The following FIGN variants were observed in gnomAD, a reference collection of about 807,000 sequenced individuals.
The protein encoded by FIGN is fidgetin.
FIGN carries 11 observed loss-of-function variants against 51.3 expected under a neutral mutation model. The observed-to-expected ratio is 0.21, with a 90% confidence interval of 0.13 to 0.35. The LOEUF is 0.35. FIGN is among the 10% of genes least tolerant of loss of function. The pLI is 1.00. For synonymous variants in FIGN, 407 were observed against 363.2 expected (o/e 1.12, Z -1.37); for missense variants, 857 against 943.6 (o/e 0.91, Z 1.20).
At chr2:163,700,470 TG>T (rs1211603215) in intron 2 of FIGN, among the ~76,000 whole-genome samples, 1 of 152,122 alleles carries the variant, frequency 6.6e-6, no homozygotes, top group Non-Finnish European at 1.5e-5. Flanking sequence ...ATGGCGACAG[TG>T]AGAACTCAGA....
Position 163,734,999 on chromosome 2 carries a change from A to G in FIGN, c.-72T>C. 1 of 1,540,696 alleles carries G rather than the reference A, an allele frequency of 6.5e-7. No homozygotes were observed. The highest frequency in any genetic ancestry group is 8.9e-7 in the Non-Finnish European group (1 of 1,121,070). ...GAATTCCAAAGGTTGCTTTTCATTA[A>G]AGCCACTTTTCCTCTCAGCTATCAA... On this transcript the variant is annotated 5_prime_UTR_variant, in exon 2 of 3. Transcript: ENST00000333129.
At chr2:163,676,577 A>C (rs1683974517) in intron 2 of FIGN, among the ~76,000 whole-genome samples, 1 of 150,448 alleles carries the variant, frequency 6.6e-6, no homozygotes, top group Non-Finnish European at 1.5e-5. Context: ...GTAAAAGTGA[A>C]ATGTGTGACC....
chr2:163,645,102 A>C (rs1327505110), intron 2 of FIGN, among the ~76,000 whole-genome samples: 1 of 152,242 alleles, frequency 6.6e-6, no homozygotes, highest in Non-Finnish European at 1.5e-5. Context: ...ATATTTCAAT[A>C]AAACACTTAA....
intron 2 of FIGN, among the ~76,000 whole-genome samples, chr2:163,709,125 G>A (rs1365892822): frequency 3.3e-5 from 5 of 151,936 alleles, no homozygotes; most frequent in African/African-American, 9.7e-5. Context: ...AAGTTTCCAC[G>A]TGCATCACAT....
chr2:163,680,810 T>G (rs1009169274), intron 2 of FIGN, among the ~76,000 whole-genome samples: 1 of 151,986 alleles, frequency 6.6e-6, no homozygotes, highest in African/African-American at 2.4e-5. Flanking sequence ...AAATTATACC[T>G]ACATATATGT....
intron 2 of FIGN, 74 bp downstream of exon 2, chr2:163,734,829 A>ATGCT: frequency 7.0e-7 from 1 of 1,429,624 alleles, no homozygotes; most frequent in Admixed American, 2.1e-5. Context: ...GGCAGTCTTC[A>ATGCT]ATGGTTTTAT....
Position 163,608,026 on chromosome 2 carries a change from C to T in FIGN, c.*1526G>A, listed in dbSNP as rs1691148108. 6.6e-6 allele frequency: 1 copy of T among 152,642 alleles called. No individual in the cohort carries two copies. Among genetic ancestry groups the T allele is most frequent in the African/African-American group, 2.4e-5 (1 of 41,462 alleles). 9.5% of individuals were successfully genotyped at this position (152,642 alleles called of 1,614,324 possible). A position where few individuals can be genotyped will look rare whatever the true frequency, so the allele number is the denominator to read the frequency against. On this transcript the variant is annotated 3_prime_UTR_variant, in exon 3 of 3. Transcript: ENST00000333129. Reference sequence around the variant, plus strand: ...GCACAAATGCTGATGTCTTTGGAAACTAGATTTACGGTGAAAGATGGAAGA... The same window carrying T: ...GCACAAATGCTGATGTCTTTGGAAATTAGATTTACGGTGAAAGATGGAAGA...
intron 2 of FIGN, among the ~76,000 whole-genome samples, chr2:163,727,238 G>A (rs1684851588): frequency 6.6e-6 from 1 of 151,984 alleles, no homozygotes; most frequent in Non-Finnish European, 1.5e-5. Flanking sequence ...GAAAATACAA[G>A]ATTCCAAGTA....
chr2:163,622,834 G>T (rs969604493), intron 2 of FIGN, among the ~76,000 whole-genome samples: 3 of 152,094 alleles, frequency 2.0e-5, no homozygotes, highest in African/African-American at 7.2e-5. Context: ...CAAAGTGCTG[G>T]AATTACAGGC....
intron 2 of FIGN, among the ~76,000 whole-genome samples, chr2:163,732,391 C>T (rs537163432): frequency 2.5e-4 from 38 of 150,396 alleles, no homozygotes; most frequent in African/African-American, 9.0e-4. Context: ...AAGAAACAAG[C>T]ATGAAGGAGT....
chr2:163,703,785 A>C (rs1684447084), intron 2 of FIGN, among the ~76,000 whole-genome samples: 1 of 152,012 alleles, frequency 6.6e-6, no homozygotes, highest in South Asian at 2.1e-4. Context: ...GGACTCAGCC[A>C]CTCCAGCTAC....
rs1558994444 is a variant in FIGN, at chr2:163,610,918, G to A, written c.914C>T (p.Pro305Leu). Residue 305 changes from proline to leucine, a missense_variant, in exon 3 of 3, where the codon CCG becomes CTG. Pro to Leu is a moderately conservative substitution (Grantham distance 98). This residue lies in a region of FIGN where 799 missense variants were observed against 849.5 expected (regional missense o/e 0.94). Transcript: ENST00000333129. Reference protein sequence around the residue: ...YQGHGLTPIAPSALTNSSASS... With the variant: ...YQGHGLTPIALSALTNSSASS... ...TGCTGAACTGTTTGTCAGAGCCGAC[G>A]GTGCAATAGGTGTCAAACCATGGCC... 2 of 1,613,900 alleles carry A rather than the reference G, an allele frequency of 1.2e-6. No homozygotes were observed. Among genetic ancestry groups the A allele is most frequent in the Admixed American group, 3.3e-5 (2 of 60,004 alleles).
intron 2 of FIGN, among the ~76,000 whole-genome samples, chr2:163,638,118 A>G (rs573697027): frequency 1.3e-5 from 2 of 152,178 alleles, no homozygotes; most frequent in Admixed American, 6.5e-5. Context: ...CCCTGCACAG[A>G]TGAATGAATA....
At chr2:163,710,321 T>C (rs989349611) in intron 2 of FIGN, among the ~76,000 whole-genome samples, 6 of 152,182 alleles carry the variant, frequency 3.9e-5, no homozygotes, top group African/African-American at 1.4e-4. Context: ...TTAGCAAGGA[T>C]ACAAGCTACA....
intron 2 of FIGN, among the ~76,000 whole-genome samples, chr2:163,694,238 A>T (rs1028658026): frequency 2.0e-5 from 3 of 152,168 alleles, no homozygotes; most frequent in Non-Finnish European, 1.5e-5. Flanking sequence ...TTGGGATAGA[A>T]TTTTTTACAA....
At chr2:163,660,263 A>C (rs564069011) in intron 2 of FIGN, among the ~76,000 whole-genome samples, 1 of 152,278 alleles carries the variant, frequency 6.6e-6, no homozygotes, top group South Asian at 2.1e-4. Context: ...TTATTCTGCA[A>C]ACTTTCATAA....
intron 2 of FIGN, among the ~76,000 whole-genome samples, chr2:163,624,563 G>A (rs1247123280): frequency 1.3e-5 from 2 of 151,764 alleles, no homozygotes; most frequent in Non-Finnish European, 2.9e-5. Context: ...ATTGGATGAT[G>A]ACTTGGACAA....
chr2:163,641,908 G>A (rs1300452697), intron 2 of FIGN, among the ~76,000 whole-genome samples: 3 of 152,080 alleles, frequency 2.0e-5, no homozygotes, highest in South Asian at 2.1e-4. Context: ...TAGAATCTAC[G>A]CTCTTTAGAC....
chr2:163,641,155 G>A (rs1573920815), intron 2 of FIGN, among the ~76,000 whole-genome samples: 1 of 152,374 alleles, frequency 6.6e-6, no homozygotes, highest in African/African-American at 2.4e-5. Flanking sequence ...TAATAATGGA[G>A]AAGAGTAGGC....
Sources: allele counts gnomAD v4.1 joint callset (sites outside exome capture counted in the v4.1 genomes callset), GRCh38; gene constraint gnomAD v4.1.1; regional missense constraint gnomAD v4.1.1; transcripts MANE v1.5; gene names NCBI Gene and HGNC (gene_info 2026-07-23, HGNC 2026-07-21).